The following NFASC variants were observed in gnomAD, a reference collection of about 807,000 sequenced individuals.
NFASC encodes neurofascin homolog.
NFASC carries 43 observed loss-of-function variants against 147.5 expected under a neutral mutation model. That is an observed-to-expected ratio of 0.29 (90% CI 0.23 to 0.38). The LOEUF is 0.38. Among genes scored for constraint, NFASC ranks in the 10% least tolerant of loss-of-function variants. The pLI is 1.00. For missense variants in NFASC, 1,320 were observed against 1,689.0 expected, an observed-to-expected ratio of 0.78 and a Z score of 3.83; for synonymous variants, 622 against 665.5, an observed-to-expected ratio of 0.93 and a Z score of 1.01.
chr1:204,952,371 A>G (rs2094173126), intron 5 of NFASC, among the ~76,000 whole-genome samples: 1 of 152,218 alleles, frequency 6.6e-6, no homozygotes, highest in Non-Finnish European at 1.5e-5. Flanking sequence ...CTTTCCGTAT[A>G]ACATTCTTTC....
chr1:204,945,274 A>G (rs1416051069), intron 3 of NFASC, among the ~76,000 whole-genome samples: 40 of 152,188 alleles, frequency 2.6e-4, no homozygotes, highest in Admixed American at 2.6e-3. Context: ...GGATGTGAGC[A>G]TGCCATCTCT....
At chr1:204,923,995 G>T (rs533717017) in intron 2 of NFASC, among the ~76,000 whole-genome samples, 1 of 152,242 alleles carries the variant, frequency 6.6e-6, no homozygotes, top group Non-Finnish European at 1.5e-5. Context: ...ATATGCTCTA[G>T]CAAAGGGAGG....
chr1:204,974,891 A>G lies in NFASC; in HGVS notation c.1558+68A>G, dbSNP rs73069147. 2,859 of 1,506,400 alleles carry G rather than the reference A, an allele frequency of 1.9e-3. 32 individuals are homozygous for G. The African/African-American group carries it at 0.034, about 18-fold the overall frequency. 93.3% of individuals were successfully genotyped at this position (1,506,400 alleles called of 1,614,324 possible). Reference sequence around the variant, plus strand: ...GGAGGCCATGCTGGCAGTTATCCACATACAATATTCACATTGAAAATGCAC... The same window carrying G: ...GGAGGCCATGCTGGCAGTTATCCACGTACAATATTCACATTGAAAATGCAC... On this transcript the variant is annotated intron_variant, in intron 14 of 29. Transcript: ENST00000339876.
intron 26 of NFASC, among the ~76,000 whole-genome samples, chr1:205,001,796 G>C (rs1307783183): frequency 6.6e-6 from 1 of 152,162 alleles, no homozygotes; most frequent in African/African-American, 2.4e-5. Context: ...GCTGGAGCTT[G>C]GGACCAAGGG....
intron 27 of NFASC, chr1:205,008,558 C>T (rs1302473465): frequency 1.3e-5 from 2 of 152,272 alleles, no homozygotes; most frequent in Non-Finnish European, 2.9e-5. Flanking sequence ...GTTCTCCAGC[C>T]GGTAGAAAGG....
At chr1:204,905,539 T>A (rs1356070540) in intron 1 of NFASC, among the ~76,000 whole-genome samples, 4 of 152,216 alleles carry the variant, frequency 2.6e-5, no homozygotes, top group African/African-American at 9.6e-5. Context: ...TCGCTTTTTT[T>A]GTTTTTGAGT....
At chr1:205,001,722 GTCA>G (rs2095991523) in intron 26 of NFASC, among the ~76,000 whole-genome samples, 1 of 152,200 alleles carries the variant, frequency 6.6e-6, no homozygotes, top group African/African-American at 2.4e-5. Flanking sequence ...GCGGCCCCCA[GTCA>G]GAGCCACAGA....
At chr1:204,847,807 C>T (rs1381396763) in intron 1 of NFASC, among the ~76,000 whole-genome samples, 1 of 152,122 alleles carries the variant, frequency 6.6e-6, no homozygotes, top group East Asian at 1.9e-4. Flanking sequence ...CTTCTTTTCC[C>T]ATGAGCGGTG....
intron 1 of NFASC, among the ~76,000 whole-genome samples, chr1:204,890,021 A>G (rs113609727): frequency 3.3e-5 from 5 of 152,186 alleles, no homozygotes; most frequent in African/African-American, 1.2e-4. Flanking sequence ...CAAAGTCATC[A>G]AATGAGACCA....
chr1:204,877,253 G>A (rs1210454809), intron 1 of NFASC, among the ~76,000 whole-genome samples: 3 of 151,280 alleles, frequency 2.0e-5, no homozygotes, highest in African/African-American at 4.9e-5. Context: ...TGTTCACTTT[G>A]GAATGGAGAC....
intron 2 of NFASC, among the ~76,000 whole-genome samples, chr1:204,925,850 G>A (rs1373204386): frequency 6.6e-6 from 1 of 152,196 alleles, no homozygotes; most frequent in Non-Finnish European, 1.5e-5. Context: ...ACAATGGTCT[G>A]GATTTCAAAT....
In NFASC at chr1:204,982,114, G is replaced by C. The variant is rs745451792; in HGVS notation, c.2470+94G>C. ...GGCCAGGAACCTTGGGGTGGGTATG[G>C]GAGGACAGCCAGTTCCCAGGAAGGA... is the stretch of plus-strand genomic sequence containing the variant. On this transcript the variant is annotated intron_variant, in intron 21 of 29. Transcript: ENST00000339876. 26 of 778,932 alleles carry C rather than the reference G, an allele frequency of 3.3e-5. 1 individual carries two copies. In the Admixed American group the frequency reaches 9.3e-4, roughly 28 times the overall value. 48.3% of individuals were successfully genotyped at this position (778,932 alleles called of 1,614,324 possible). A position where few individuals can be genotyped will look rare whatever the true frequency, so the allele number is the denominator to read the frequency against.
chr1:204,978,352 G>T (rs2095447163), intron 17 of NFASC, among the ~76,000 whole-genome samples: 1 of 152,162 alleles, frequency 6.6e-6, no homozygotes, highest in African/African-American at 2.4e-5. Context: ...AAAAGGTGCT[G>T]CCCTCACCCC....
chr1:205,009,365 T>G (rs1166117205), intron 27 of NFASC, 192 bp from the exon 28 acceptor site: 1 of 745,440 alleles, frequency 1.3e-6, no homozygotes, highest in African/African-American at 1.7e-5. Flanking sequence ...TCTGATCTTT[T>G]GACCTTGGCT....
At chr1:204,988,492 AAGCCTTT>A (rs1310861205) in intron 22 of NFASC, 134 bp from the exon 23 acceptor site, 16 of 736,512 alleles carry the variant, frequency 2.2e-5, no homozygotes, top group Non-Finnish European at 2.8e-5. Context: ...CCTTTGAACC[AAGCCTTT>A]AAGATCACCA....
Position 204,973,706 on chromosome 1 carries a change from CA to C in NFASC, c.1279+288del, listed in dbSNP as rs151212479. On this transcript the variant is annotated intron_variant, in intron 12 of 29. Transcript: ENST00000339876. ...TGGATGAGCAGACAGTTAATTCCAT[CA>C]GAGCAGTCAATCTTAGTCTTCTCCC... Among the ~76,000 whole-genome samples the C allele has an allele frequency of 4.8e-3, 732 of 152,282 alleles. 7 individuals carry two copies. The highest frequency in any genetic ancestry group is 0.017 in the African/African-American group (694 of 41,548).
At chr1:204,897,279 G>A (rs890026627) in intron 1 of NFASC, among the ~76,000 whole-genome samples, 1 of 152,132 alleles carries the variant, frequency 6.6e-6, no homozygotes, top group Non-Finnish European at 1.5e-5. Flanking sequence ...AATGACAGAT[G>A]GAGGGTGGGG....
intron 23 of NFASC, 152 bp downstream of exon 23, chr1:204,988,958 T>C (rs1238118672): frequency 2.9e-6 from 2 of 695,644 alleles, no homozygotes; most frequent in Non-Finnish European, 5.0e-6. Context: ...CCATCTTATG[T>C]GTGAGAGGTA....
At chr1:204,942,654 A>G (rs540500123) in intron 2 of NFASC, among the ~76,000 whole-genome samples, 3 of 131,914 alleles carry the variant, frequency 2.3e-5, no homozygotes, top group Non-Finnish European at 3.7e-5. Flanking sequence ...AACAAACCAC[A>G]GGGGGGAAAA....
Sources: allele counts gnomAD v4.1 joint callset (sites outside exome capture counted in the v4.1 genomes callset), GRCh38; gene constraint gnomAD v4.1.1; transcripts MANE v1.5; gene names NCBI Gene and HGNC (gene_info 2026-07-23, HGNC 2026-07-21).